The following LIN28B variants were observed in gnomAD, a reference collection of about 807,000 sequenced individuals.
LIN28B encodes lin-28 RNA binding posttranscriptional regulator B.
In LIN28B, 5 loss-of-function variants were observed where a neutral mutation model predicts 21.9. The ratio of observed to expected loss-of-function variants is 0.23; its 90% CI spans 0.12 to 0.48. The LOEUF (loss-of-function observed/expected upper bound fraction) is 0.48. LIN28B is among the 20% of genes least tolerant of loss of function. LIN28B has a pLI of 0.98. For missense variants in LIN28B, 245 were observed against 310.5 expected, an observed-to-expected ratio of 0.79 and a Z score of 1.58; for synonymous variants, 109 against 111.3, an observed-to-expected ratio of 0.98 and a Z score of 0.13.
intron 3 of LIN28B, among the ~76,000 whole-genome samples, chr6:105,067,934 CAT>C (rs1281916129): frequency 2.6e-5 from 4 of 152,162 alleles, no homozygotes; most frequent in African/African-American, 9.7e-5. Flanking sequence ...AAAACTGCTA[CAT>C]GTTTCATCCC....
intron 2 of LIN28B, among the ~76,000 whole-genome samples, chr6:105,018,869 A>G (rs955828592): frequency 1.3e-5 from 2 of 152,020 alleles, no homozygotes; most frequent in Non-Finnish European, 2.9e-5. Context: ...ATTGTCTCAA[A>G]TAGCTCTGGA....
At chr6:104,937,281 G>A (rs1778020665) in intron 2 of LIN28B, among the ~76,000 whole-genome samples, 1 of 151,690 alleles carries the variant, frequency 6.6e-6, no homozygotes, top group Admixed American at 6.6e-5. Context: ...CCGCGGGCGC[G>A]CGCCACCACG....
intron 2 of LIN28B, among the ~76,000 whole-genome samples, chr6:104,991,101 G>C (rs564935084): frequency 5.3e-5 from 8 of 151,838 alleles, no homozygotes; most frequent in Non-Finnish European, 1.0e-4. Flanking sequence ...GGGTGGCGGC[G>C]GGCAGAGGGG....
chr6:104,953,868 C>A (rs144034017), upstream of LIN28B, among the ~76,000 whole-genome samples: 21 of 152,258 alleles, frequency 1.4e-4, no homozygotes, highest in Non-Finnish European at 2.4e-4. Flanking sequence ...TAAGAAGAAC[C>A]GAAGCATTGT....
intron 3 of LIN28B, among the ~76,000 whole-genome samples, chr6:105,028,104 C>T (rs1449989907): frequency 6.6e-6 from 1 of 152,052 alleles, no homozygotes; most frequent in Non-Finnish European, 1.5e-5. Context: ...TAAAACAGCC[C>T]TTTATTTTTC....
At chr6:105,014,539 T>G (rs753775571) in intron 2 of LIN28B, among the ~76,000 whole-genome samples, 1 of 152,188 alleles carries the variant, frequency 6.6e-6, no homozygotes, top group Non-Finnish European at 1.5e-5. Flanking sequence ...GCCAGGCTTG[T>G]CTTGAACTCC....
chr6:105,049,139 T>C (rs944650870), intron 3 of LIN28B, among the ~76,000 whole-genome samples: 4 of 151,562 alleles, frequency 2.6e-5, no homozygotes, highest in African/African-American at 9.7e-5. Context: ...TGCTTTCTCT[T>C]GTGCTATAAA....
upstream of LIN28B, among the ~76,000 whole-genome samples, chr6:104,953,506 G>C (rs1199056410): frequency 6.6e-6 from 1 of 152,164 alleles, no homozygotes; most frequent in East Asian, 1.9e-4. Context: ...GATTTCTTTT[G>C]TTTGGTGTTC....
Position 104,950,499 on chromosome 6 carries a change from A to T in LIN28B, c.57A>T (p.Ser19=), listed in dbSNP as rs75733681. Residue 19 remains serine, a synonymous_variant, in exon 3 of 6, where the codon TCA becomes TCT. Coordinates refer to the LIN28B transcript ENST00000635857. Reference sequence around the variant, plus strand: ...GGATGAGGTCATTCAACCAGGTTTCATCAGCCCCAGGTTAGTCTTTTTTTT... The same window carrying T: ...GGATGAGGTCATTCAACCAGGTTTCTTCAGCCCCAGGTTAGTCTTTTTTTT... The T allele has an allele frequency of 3.8e-4, 462 of 1,228,018 alleles. 2 individuals are homozygous for T. In the South Asian group the frequency reaches 0.015, roughly 41 times the overall value. The allele number at this position is 1,228,018 out of a possible 1,614,324, so 76.1% of individuals were successfully genotyped here.
chr6:104,976,503 A>G (rs1484508051), intron 2 of LIN28B, among the ~76,000 whole-genome samples: 1 of 152,236 alleles, frequency 6.6e-6, no homozygotes, highest in Non-Finnish European at 1.5e-5. Flanking sequence ...GACAAAGATC[A>G]GTAATATCCA....
At chr6:105,030,636 G>A (rs1336128304) in intron 3 of LIN28B, among the ~76,000 whole-genome samples, 4 of 123,128 alleles carry the variant, frequency 3.2e-5, no homozygotes, top group Non-Finnish European at 3.2e-5. Context: ...TGCTCTTGTC[G>A]CCCAGTCTGG....
chr6:104,964,597 A>G (rs1466775380), intron 2 of LIN28B, among the ~76,000 whole-genome samples: 3 of 152,206 alleles, frequency 2.0e-5, no homozygotes, highest in Non-Finnish European at 4.4e-5. Flanking sequence ...AAGAAATTCA[A>G]CTGATTTATA....
chr6:105,051,045 G>A (rs1172388580), intron 3 of LIN28B, among the ~76,000 whole-genome samples: 1 of 150,854 alleles, frequency 6.6e-6, no homozygotes, highest in Non-Finnish European at 1.5e-5. Flanking sequence ...CAAGACCTTA[G>A]ATTAAAAAAC....
At chr6:105,011,217 T>G (rs1013291936) in intron 2 of LIN28B, among the ~76,000 whole-genome samples, 2 of 152,074 alleles carry the variant, frequency 1.3e-5, no homozygotes, top group African/African-American at 4.8e-5. Flanking sequence ...TTAGATAGAG[T>G]CTGACTCTAT....
chr6:104,985,190 A>G (rs1770309927), intron 2 of LIN28B, among the ~76,000 whole-genome samples: 1 of 152,238 alleles, frequency 6.6e-6, no homozygotes, highest in Admixed American at 6.5e-5. Context: ...TTGGACTAAC[A>G]AATGAGAGAT....
chr6:105,054,865 G>A (rs952546261), intron 3 of LIN28B, among the ~76,000 whole-genome samples: 162 of 140,764 alleles, frequency 1.2e-3, no homozygotes, highest in Non-Finnish European at 1.8e-3. Context: ...TTTTTTTTTA[G>A]CATTGCTTCT....
intron 2 of LIN28B, among the ~76,000 whole-genome samples, chr6:105,006,168 T>G (rs2114299704): frequency 6.6e-6 from 1 of 152,290 alleles, no homozygotes; most frequent in South Asian, 2.1e-4. Context: ...ACTAAACACT[T>G]TAACACTACA....
At chr6:105,059,228 T>C (rs1304108485) in intron 3 of LIN28B, among the ~76,000 whole-genome samples, 1 of 152,114 alleles carries the variant, frequency 6.6e-6, no homozygotes, top group Non-Finnish European at 1.5e-5. Context: ...TATTTTTTTT[T>C]TTAAACTAGG....
intron 2 of LIN28B, among the ~76,000 whole-genome samples, chr6:104,990,935 A>G (rs1352764766): frequency 1.3e-5 from 2 of 152,238 alleles, no homozygotes; most frequent in East Asian, 3.8e-4. Context: ...AGTACAGAAC[A>G]AAATGGAGTC....
Sources: allele counts gnomAD v4.1 joint callset (sites outside exome capture counted in the v4.1 genomes callset), GRCh38; gene constraint gnomAD v4.1.1; transcripts MANE v1.5; gene names NCBI Gene and HGNC (gene_info 2026-07-23, HGNC 2026-07-21).